The following EDARADD variants were observed in gnomAD, a reference collection of about 807,000 sequenced individuals.
The protein encoded by EDARADD is EDAR associated via death domain.
EDARADD carries 20 observed loss-of-function variants against 25.6 expected under a neutral mutation model. The ratio of observed to expected loss-of-function variants is 0.78; its 90% CI spans 0.55 to 1.14. The LOEUF is 1.14. EDARADD is among the 50% of genes most tolerant of loss of function. The pLI, the probability that EDARADD is intolerant of heterozygous loss-of-function variation, is 0.00. For missense variants in EDARADD, 225 were observed against 270.1 expected (o/e 0.83, Z 1.17); for synonymous variants, 86 against 94.4 (o/e 0.91, Z 0.52).
At chr1:236,359,444 A>C (rs973624312) in intron 3 of EDARADD, among the ~76,000 whole-genome samples, 2 of 152,210 alleles carry the variant, frequency 1.3e-5, no homozygotes, top group African/African-American at 4.8e-5. Flanking sequence ...TTAAGGTGCC[A>C]TCTTGGGAGC....
At chr1:236,350,136 A>T (rs1181948497) in intron 2 of EDARADD, among the ~76,000 whole-genome samples, 3 of 152,144 alleles carry the variant, frequency 2.0e-5, no homozygotes, top group Admixed American at 2.0e-4. Context: ...AACAATGAAG[A>T]AAAGGGGGAA....
chr1:236,414,545 C>T (rs1050912907), intron 3 of EDARADD, among the ~76,000 whole-genome samples: 2 of 152,092 alleles, frequency 1.3e-5, no homozygotes, highest in African/African-American at 2.4e-5. Flanking sequence ...ACAAATTATG[C>T]GTTAAATTCC....
chr1:236,421,536 C>T (rs1475736379), intron 3 of EDARADD, among the ~76,000 whole-genome samples: 1 of 120,088 alleles, frequency 8.3e-6, no homozygotes, highest in Non-Finnish European at 1.6e-5. Context: ...CTCACTCTGT[C>T]GCCCAGGCTG....
In EDARADD at chr1:236,395,644, C is replaced by G. The variant is rs1350514736; in HGVS notation, c.61+1139C>G. 1 of 1,575,630 alleles carries G rather than the reference C, an allele frequency of 6.3e-7. No homozygotes were observed. Reference sequence around the variant, plus strand: ...AACCCGCCGCCATGGCTTCACCGGACGACCCTCTGCGCGCAGGTAAAGGGA... The same window carrying G: ...AACCCGCCGCCATGGCTTCACCGGAGGACCCTCTGCGCGCAGGTAAAGGGA... On this transcript the variant is annotated intron_variant, in intron 1 of 5. Coordinates refer to ENST00000334232, the MANE Select transcript of EDARADD (RefSeq NM_145861.4). This position sits in a 1 kb window ranked among gnomAD's most constrained non-coding sequence, Gnocchi z 6.9.
chr1:236,384,776 T>G (rs1667333598), intron 3 of EDARADD, among the ~76,000 whole-genome samples: 1 of 152,170 alleles, frequency 6.6e-6, no homozygotes, highest in Non-Finnish European at 1.5e-5. Context: ...CCTCAAGCAA[T>G]TCCTGGACCT....
In EDARADD at chr1:236,412,323, G is replaced by T. The variant is rs116741176; in HGVS notation, c.121-1937G>T. On this transcript the variant is annotated intron_variant, in intron 2 of 5. Transcript: ENST00000334232. ...GGGACTTTCAGGTGCTCCCTTCTCC[G>T]TAGCCCAATCCCTATTTGCCATCTC... is the stretch of plus-strand genomic sequence containing the variant. Among the ~76,000 whole-genome samples, 408 of 152,088 alleles carry T rather than the reference G, an allele frequency of 2.7e-3. 6 individuals carry two copies. The highest frequency in any genetic ancestry group is 7.6e-4 in the Non-Finnish European group (52 of 68,006).
In EDARADD at chr1:236,414,255, T is replaced by A; in HGVS notation, c.121-5T>A. On this transcript the variant is annotated splice_region_variant and splice_polypyrimidine_tract_variant and intron_variant, in intron 2 of 5. Coordinates refer to ENST00000334232, the MANE Select transcript of EDARADD (RefSeq NM_145861.4). ...ATAATTCTCCTCTTTTGTTGGTTTCTACAGTCAGACAAATATCCCATTCAA... is the reference window on the plus strand; with the variant it reads ...ATAATTCTCCTCTTTTGTTGGTTTCAACAGTCAGACAAATATCCCATTCAA... 2.5e-6 allele frequency: 4 copies of A among 1,609,500 alleles called. No homozygotes were observed. Among genetic ancestry groups the A allele is most frequent in the Non-Finnish European group, 3.4e-6 (4 of 1,175,918 alleles).
chr1:236,396,522 T>C (rs1291266124), intron 1 of EDARADD, among the ~76,000 whole-genome samples: 2 of 152,156 alleles, frequency 1.3e-5, no homozygotes, highest in Non-Finnish European at 2.9e-5. Context: ...CTATTTCATT[T>C]CTTGAGCTTG....
At chr1:236,379,516 C>T (rs1255289964) in intron 3 of EDARADD, among the ~76,000 whole-genome samples, 1 of 151,980 alleles carries the variant, frequency 6.6e-6, no homozygotes, top group African/African-American at 2.4e-5. Context: ...CAATGGCTCA[C>T]GCTTGTAATC....
chr1:236,450,244 T>C (rs1490756240), intron 4 of EDARADD, among the ~76,000 whole-genome samples: 1 of 152,100 alleles, frequency 6.6e-6, no homozygotes, highest in African/African-American at 2.4e-5. Context: ...ATGATCGATA[T>C]AATCGTGCCA....
intron 3 of EDARADD, among the ~76,000 whole-genome samples, chr1:236,371,270 G>T (rs1572112952): frequency 6.6e-6 from 1 of 152,158 alleles, no homozygotes; most frequent in Admixed American, 6.5e-5. Context: ...GTATATTAAT[G>T]TTGGATTCTG....
At chr1:236,477,198 C>T (rs551579834) in intron 5 of EDARADD, among the ~76,000 whole-genome samples, 6 of 152,060 alleles carry the variant, frequency 3.9e-5, no homozygotes, top group South Asian at 4.1e-4. Flanking sequence ...GGGATATAAA[C>T]GACTGTATTA....
intron 4 of EDARADD, among the ~76,000 whole-genome samples, chr1:236,450,176 A>T (rs1658672375): frequency 6.6e-6 from 1 of 151,944 alleles, no homozygotes; most frequent in Non-Finnish European, 1.5e-5. Context: ...GCAAGTCTGT[A>T]GTCCCAGCTA....
chr1:236,482,096 A>C (rs1296318281), intron 5 of EDARADD, among the ~76,000 whole-genome samples, 171 bp from the exon 6 acceptor site: 4 of 150,526 alleles, frequency 2.7e-5, no homozygotes, highest in South Asian at 4.3e-4. Flanking sequence ...GCCTGGGCGA[A>C]AGAGCGAGAC....
chr1:236,352,222 G>A (rs1256763550), intron 3 of EDARADD, among the ~76,000 whole-genome samples: 2 of 152,250 alleles, frequency 1.3e-5, no homozygotes, highest in African/African-American at 4.8e-5. Flanking sequence ...CCGTCTCAAT[G>A]CCCGCTAAAA....
chr1:236,477,582 C>A (rs1008802935), intron 5 of EDARADD, among the ~76,000 whole-genome samples: 1 of 151,830 alleles, frequency 6.6e-6, no homozygotes, highest in Non-Finnish European at 1.5e-5. Context: ...GGGAAGACTT[C>A]GTGGAAAGGG....
At chr1:236,418,656 G>A (rs1384100727) in intron 3 of EDARADD, among the ~76,000 whole-genome samples, 2 of 152,208 alleles carry the variant, frequency 1.3e-5, no homozygotes, top group East Asian at 1.9e-4. Flanking sequence ...TGTAGAAGTA[G>A]TTCAGTTTGA....
At chr1:236,479,308 C>T (rs1010078573) in intron 5 of EDARADD, among the ~76,000 whole-genome samples, 15 of 152,050 alleles carry the variant, frequency 9.9e-5, no homozygotes, top group South Asian at 6.2e-4. Flanking sequence ...CCAGCCAGTG[C>T]AACATAGTGG....
chr1:236,378,486 C>T (rs188751718), intron 3 of EDARADD, among the ~76,000 whole-genome samples: 49 of 152,224 alleles, frequency 3.2e-4, no homozygotes, highest in African/African-American at 1.0e-3. Flanking sequence ...GTCTCTATAT[C>T]CACCTGTCTG....
Sources: allele counts gnomAD v4.1 joint callset (sites outside exome capture counted in the v4.1 genomes callset), GRCh38; gene constraint gnomAD v4.1.1; non-coding constraint Gnocchi (gnomAD v3.1); transcripts MANE v1.5; gene names NCBI Gene and HGNC (gene_info 2026-07-23, HGNC 2026-07-21).